The following CDYL variants were observed in gnomAD, a reference collection of about 807,000 sequenced individuals.
CDYL encodes the protein chromodomain Y-like protein.
A neutral mutation model predicts 47.3 loss-of-function variants in CDYL; 8 were observed. That is an observed-to-expected ratio of 0.17 (90% CI 0.10 to 0.31). The LOEUF (loss-of-function observed/expected upper bound fraction) is 0.31, where lower values mean the gene tolerates loss of function less well. Among genes scored for constraint, CDYL ranks in the 10% least tolerant of loss-of-function variants. The probability of loss-of-function intolerance (pLI) is 1.00; values close to 1 mark genes in which losing one functional copy is unlikely to be tolerated. For synonymous variants in CDYL, 266 were observed against 265.0 expected, an observed-to-expected ratio of 1.00 and a Z score of -0.04; for missense variants, 471 against 701.4, an observed-to-expected ratio of 0.67 and a Z score of 3.71.
intron 1 of CDYL, among the ~76,000 whole-genome samples, chr6:4,823,062 A>G (rs139349147): frequency 3.9e-5 from 6 of 152,332 alleles, no homozygotes; most frequent in African/African-American, 1.4e-4. Context: ...AGCAGAGGGG[A>G]AAAGTGCAGG....
Position 4,711,073 on chromosome 6 carries a change from C to T in CDYL, c.-38-4668C>T, listed in dbSNP as rs114218360. Among the ~76,000 whole-genome samples the T allele has an allele frequency of 5.3e-3, 809 of 152,220 alleles. 7 individuals are homozygous for T. The highest frequency in any genetic ancestry group is 0.018 in the African/African-American group (761 of 41,530). On this transcript the variant is annotated intron_variant, in intron 1 of 8. Coordinates refer to the CDYL transcript ENST00000328908. ...TATACTGTAAAAGAAATAAGACCTT[C>T]GAGTCGGCACAAAATCCAACACAAT...
chr6:4,911,953 G>A (rs548138720), intron 2 of CDYL, among the ~76,000 whole-genome samples: 6 of 152,306 alleles, frequency 3.9e-5, no homozygotes, highest in Admixed American at 1.3e-4. Flanking sequence ...AGACAAAACC[G>A]GTTAACGGCC....
At chr6:4,868,711 T>C (rs1303275672) in intron 1 of CDYL, among the ~76,000 whole-genome samples, 4 of 152,202 alleles carry the variant, frequency 2.6e-5, no homozygotes, top group African/African-American at 9.6e-5. Flanking sequence ...CTATCAGTTA[T>C]TGATAGTGGG....
At chr6:4,774,806 G>A (rs929130171), upstream of CDYL, 5 of 152,314 alleles carry the variant, frequency 3.3e-5, no homozygotes, top group African/African-American at 1.2e-4. Context: ...GAGTGCTTAG[G>A]CAGCGCTTGA....
intron 1 of CDYL, among the ~76,000 whole-genome samples, chr6:4,852,347 C>T (rs765751211): frequency 1.3e-5 from 2 of 151,276 alleles, no homozygotes; most frequent in Non-Finnish European, 2.9e-5. Flanking sequence ...TCCTTCCTTC[C>T]TTCCAATCTT....
intron 3 of CDYL, among the ~76,000 whole-genome samples, chr6:4,751,910 C>T (rs909535469): frequency 1.3e-5 from 2 of 152,218 alleles, no homozygotes; most frequent in Non-Finnish European, 2.9e-5. Context: ...TTTCCTGCGA[C>T]TGTTTTGCTG....
intron 1 of CDYL, among the ~76,000 whole-genome samples, chr6:4,800,970 T>C (rs1468589390): frequency 6.6e-6 from 1 of 152,252 alleles, no homozygotes; most frequent in Non-Finnish European, 1.5e-5. Context: ...ATTTCAGTTG[T>C]TGTGTCTTCA....
intron 3 of CDYL, among the ~76,000 whole-genome samples, chr6:4,764,146 T>G (rs1254295773): frequency 1.3e-5 from 2 of 152,172 alleles, no homozygotes; most frequent in Non-Finnish European, 2.9e-5. Context: ...AGACAAAGAT[T>G]ATCAAACTGG....
intron 2 of CDYL, among the ~76,000 whole-genome samples, chr6:4,929,115 C>T (rs1757959766): frequency 6.6e-6 from 1 of 152,286 alleles, no homozygotes; most frequent in South Asian, 2.1e-4. Flanking sequence ...ACATTCCTTA[C>T]AGTGCAGGCC....
intron 1 of CDYL, among the ~76,000 whole-genome samples, chr6:4,878,149 T>A (rs891557321): frequency 1.3e-5 from 2 of 152,294 alleles, no homozygotes; most frequent in Admixed American, 1.3e-4. Context: ...GTCAGATTGT[T>A]AATACTTTAA....
chr6:4,762,635 T>A (rs1411599925), intron 3 of CDYL, among the ~76,000 whole-genome samples: 13 of 32,640 alleles, frequency 4.0e-4, no homozygotes, highest in Non-Finnish European at 6.1e-4. Flanking sequence ...TATTCCAGAT[T>A]AAAGGGTACC....
intron 2 of CDYL, among the ~76,000 whole-genome samples, chr6:4,894,271 C>T (rs1561691840): frequency 6.6e-6 from 1 of 152,140 alleles, no homozygotes; most frequent in Admixed American, 6.5e-5. Context: ...CCCAGCATTG[C>T]TTGTTGCCTC....
intron 1 of CDYL, among the ~76,000 whole-genome samples, chr6:4,789,586 T>C (rs1758862960): frequency 6.6e-6 from 1 of 152,162 alleles, no homozygotes; most frequent in African/African-American, 2.4e-5. Flanking sequence ...CTTGAGGAGC[T>C]CTGCAGTGCT....
intron 2 of CDYL, among the ~76,000 whole-genome samples, chr6:4,893,230 C>T (rs1762100503): frequency 1.3e-5 from 2 of 152,342 alleles, no homozygotes; most frequent in East Asian, 3.9e-4. Context: ...CACCCCATTG[C>T]CTTCAGTAGC....
At chr6:4,848,586 C>T (rs957101785) in intron 1 of CDYL, among the ~76,000 whole-genome samples, 1 of 152,214 alleles carries the variant, frequency 6.6e-6, no homozygotes, top group African/African-American at 2.4e-5. Flanking sequence ...TGCATCACAG[C>T]TGATCCGAAA....
intron 1 of CDYL, among the ~76,000 whole-genome samples, chr6:4,801,745 C>T (rs2127439426): frequency 6.6e-6 from 1 of 152,256 alleles, no homozygotes. Flanking sequence ...AGCACTCCAC[C>T]AGCTTTGAGC....
intron 1 of CDYL, among the ~76,000 whole-genome samples, chr6:4,777,881 G>GA (rs2127428787): frequency 6.6e-6 from 1 of 152,322 alleles, no homozygotes; most frequent in Admixed American, 6.5e-5. Context: ...AGTGTTTGCA[G>GA]AAGTTCTCAG....
intron 3 of CDYL, among the ~76,000 whole-genome samples, chr6:4,758,351 A>AATAAATAAATATATATATAT (rs1554134097): frequency 4.6e-5 from 6 of 129,082 alleles, no homozygotes; most frequent in Non-Finnish European, 6.4e-5. Flanking sequence ...AAAATAAATA[A>AATAAATAAATATATATATAT]ATATATATAT....
chr6:4,786,605 G>A (rs962272922), intron 1 of CDYL, among the ~76,000 whole-genome samples: 1 of 152,196 alleles, frequency 6.6e-6, no homozygotes, highest in African/African-American at 2.4e-5. Context: ...ACTGCTAGGG[G>A]TTCAAGAGAA....
Sources: allele counts gnomAD v4.1 joint callset (sites outside exome capture counted in the v4.1 genomes callset), GRCh38; gene constraint gnomAD v4.1.1; transcripts MANE v1.5; gene names NCBI Gene and HGNC (gene_info 2026-07-23, HGNC 2026-07-21).